The following PKNOX2 variants were observed in gnomAD, a reference collection of about 807,000 sequenced individuals.
The protein encoded by PKNOX2 is PBX/knotted 1 homeobox 2.
In PKNOX2, 14 loss-of-function variants were observed where a neutral mutation model predicts 53.1. That is an observed-to-expected ratio of 0.26 (90% CI 0.17 to 0.41). The LOEUF (loss-of-function observed/expected upper bound fraction) is 0.41, where lower values mean the gene tolerates loss of function less well. Ranked by LOEUF, PKNOX2 falls within the 10% of genes least tolerant of loss-of-function variation. The pLI, the probability that PKNOX2 is intolerant of heterozygous loss-of-function variation, is 1.00. For synonymous variants in PKNOX2, 257 were observed against 242.8 expected, an observed-to-expected ratio of 1.06 and a Z score of -0.54; for missense variants, 496 against 602.8, an observed-to-expected ratio of 0.82 and a Z score of 1.85.
chr11:125,284,157 T>C (rs1946750392), intron 2 of PKNOX2, among the ~76,000 whole-genome samples: 1 of 152,216 alleles, frequency 6.6e-6, no homozygotes, highest in African/African-American at 2.4e-5. Flanking sequence ...AAGTGCTTCA[T>C]GTAATGCCTG....
At chr11:125,374,693 C>G (rs1037586093) in intron 5 of PKNOX2, among the ~76,000 whole-genome samples, 6 of 152,168 alleles carry the variant, frequency 3.9e-5, no homozygotes, top group African/African-American at 1.4e-4. Context: ...GGTAGAGCTC[C>G]ATCATCCAGG....
chr11:125,221,926 G>A (rs1304705457), intron 1 of PKNOX2, among the ~76,000 whole-genome samples: 1 of 152,152 alleles, frequency 6.6e-6, no homozygotes, highest in Non-Finnish European at 1.5e-5. Context: ...ACTTGCTGTC[G>A]CCTGGTTGCG....
rs562752615 is a variant in PKNOX2, at chr11:125,189,030, G to A, written c.-201+24254G>A. 4.6e-5 allele frequency among the ~76,000 whole-genome samples: 7 copies of A among 152,130 alleles called. No individual in the cohort carries two copies. In the South Asian group the frequency reaches 1.5e-3, roughly 32 times the overall value. On this transcript the variant is annotated intron_variant, in intron 1 of 12. Transcript: ENST00000298282. The stretch of plus-strand genomic sequence containing the variant: ...TGATGGTCTGATGGAAGACACCTAA[G>A]CACAAAAGTCCCAATCAACTTAGGG...
intron 5 of PKNOX2, among the ~76,000 whole-genome samples, chr11:125,382,584 C>T (rs956996891): frequency 3.9e-5 from 6 of 152,116 alleles, no homozygotes; most frequent in African/African-American, 1.4e-4. Flanking sequence ...TCATAAGGCG[C>T]AATAATTCAT....
At chr11:125,410,409 G>T (rs1026103490) in intron 8 of PKNOX2, 84 bp downstream of exon 8, 6 of 1,571,192 alleles carry the variant, frequency 3.8e-6, no homozygotes, top group Non-Finnish European at 5.2e-6. Context: ...AGGGGTGGGG[G>T]TTGTCCTCCA....
intron 2 of PKNOX2, among the ~76,000 whole-genome samples, chr11:125,300,178 C>G (rs1255829117): frequency 6.6e-6 from 1 of 152,212 alleles, no homozygotes; most frequent in African/African-American, 2.4e-5. Flanking sequence ...TTTGGAGAGT[C>G]TGCTTTTGAA....
chr11:125,252,841 C>G (rs1245891198), intron 2 of PKNOX2, among the ~76,000 whole-genome samples: 2 of 152,138 alleles, frequency 1.3e-5, no homozygotes, highest in Non-Finnish European at 2.9e-5. Flanking sequence ...TCAGCTCACT[C>G]CTTCAGGGGG....
rs556687930 is a variant in PKNOX2 at position 125,169,079 on chromosome 11, C to G, written c.-201+4303C>G. On this transcript the variant is annotated intron_variant, in intron 1 of 12. Transcript: ENST00000298282. ...GCTGTGTGGCACAAGGACTGCGATG[C>G]TGTAAGATATATATAAACGTGTGAT... Among the ~76,000 whole-genome samples, 12 of 152,242 alleles carry G rather than the reference C, an allele frequency of 7.9e-5. No individual in the cohort carries two copies. The East Asian group carries it at 2.3e-3, about 29-fold the overall frequency.
intron 2 of PKNOX2, among the ~76,000 whole-genome samples, chr11:125,295,221 TGAC>T (rs959452131): frequency 6.6e-6 from 1 of 152,106 alleles, no homozygotes; most frequent in Non-Finnish European, 1.5e-5. Context: ...GTGATGCCCC[TGAC>T]AACAATGAAC....
intron 6 of PKNOX2, among the ~76,000 whole-genome samples, chr11:125,387,600 CTTGG>C (rs1953736262): frequency 6.6e-6 from 1 of 152,212 alleles, no homozygotes; most frequent in Non-Finnish European, 1.5e-5. Context: ...TCTAACAGAA[CTTGG>C]TTGAGTGTCT....
intron 9 of PKNOX2, chr11:125,411,260 C>G (rs1955493486): frequency 3.3e-6 from 1 of 303,444 alleles, no homozygotes; most frequent in Non-Finnish European, 6.3e-6. Context: ...CCTCAGACTT[C>G]TTATTGATAA....
intron 2 of PKNOX2, 64 bp from the exon 3 acceptor site, chr11:125,331,755 C>T (rs1950155344): frequency 6.6e-6 from 1 of 152,522 alleles, no homozygotes. Flanking sequence ...GGAAGCCCCT[C>T]CTCTCTGACC....
intron 1 of PKNOX2, among the ~76,000 whole-genome samples, chr11:125,175,047 C>T (rs1380283933): frequency 6.6e-6 from 1 of 152,138 alleles, no homozygotes; most frequent in African/African-American, 2.4e-5. Context: ...GGCATAGCAC[C>T]CCTTGAGAAG....
At chr11:125,356,007 A>G (rs1951585936) in intron 4 of PKNOX2, among the ~76,000 whole-genome samples, 1 of 150,654 alleles carries the variant, frequency 6.6e-6, no homozygotes, top group Non-Finnish European at 1.5e-5. Flanking sequence ...CTTCCCACAC[A>G]AAACACACTC....
intron 10 of PKNOX2, among the ~76,000 whole-genome samples, chr11:125,424,325 T>C (rs1956305194): frequency 6.6e-6 from 1 of 152,204 alleles, no homozygotes; most frequent in East Asian, 1.9e-4. Flanking sequence ...GGGTGACTTA[T>C]TGTGCTTCTC....
At chr11:125,341,662 G>A (rs527681833) in intron 3 of PKNOX2, among the ~76,000 whole-genome samples, 1 of 152,226 alleles carries the variant, frequency 6.6e-6, no homozygotes, top group South Asian at 2.1e-4. Context: ...GGGAAGAAAG[G>A]CTTCATGGAA....
intron 1 of PKNOX2, among the ~76,000 whole-genome samples, chr11:125,230,694 T>G (rs1464140552): frequency 6.6e-6 from 1 of 152,236 alleles, no homozygotes; most frequent in Non-Finnish European, 1.5e-5. Flanking sequence ...GTAGGATGAA[T>G]GTAGAAGTCC....
At chr11:125,409,969 G>A (rs1352385310) in intron 7 of PKNOX2, 2 of 494,200 alleles carry the variant, frequency 4.0e-6, no homozygotes, top group Admixed American at 3.7e-5. Flanking sequence ...CAGGGCAATG[G>A]AATGGTTAAA....
At chr11:125,399,132 C>A (rs1248969504) in intron 7 of PKNOX2, among the ~76,000 whole-genome samples, 2 of 152,276 alleles carry the variant, frequency 1.3e-5, no homozygotes, top group Non-Finnish European at 2.9e-5. Context: ...CTCGGTATCA[C>A]ATCCAACCCA....
Sources: gnomAD v4.1 joint callset for allele counts (sites outside exome capture counted in the v4.1 genomes callset) on GRCh38, gnomAD v4.1.1 for gene constraint, MANE v1.5 for transcripts, NCBI Gene and HGNC (gene_info 2026-07-23, HGNC 2026-07-21) for gene names.